The following CHCHD6 variants were observed in gnomAD, a reference collection of about 807,000 sequenced individuals.
CHCHD6 encodes the protein MICOS complex subunit MIC25.
In CHCHD6, 28 loss-of-function variants were observed where a neutral mutation model predicts 32.3. The observed-to-expected ratio is 0.87, with a 90% CI of 0.64 to 1.19. The LOEUF is 1.19. Ranked by LOEUF, CHCHD6 falls within the 50% of genes most tolerant of loss-of-function variation. The pLI, the probability that CHCHD6 is intolerant of heterozygous loss-of-function variation, is 0.00. For synonymous variants in CHCHD6, 122 were observed against 117.5 expected (o/e 1.04, Z -0.25); for missense variants, 333 against 307.0 (o/e 1.08, Z -0.63).
intron 4 of CHCHD6, among the ~76,000 whole-genome samples, chr3:126,755,877 G>A (rs1936939639): frequency 6.8e-6 from 1 of 147,766 alleles, no homozygotes; most frequent in African/African-American, 2.5e-5. Flanking sequence ...TGTAGACACA[G>A]ACATTCCTTA....
At chr3:126,763,486 A>G (rs1285833833) in intron 4 of CHCHD6, among the ~76,000 whole-genome samples, 1 of 151,756 alleles carries the variant, frequency 6.6e-6, no homozygotes, top group Non-Finnish European at 1.5e-5. Context: ...ACCATGCCCA[A>G]CTATTGTTTT....
intron 4 of CHCHD6, among the ~76,000 whole-genome samples, chr3:126,841,647 T>G (rs1445032176): frequency 1.3e-5 from 2 of 152,140 alleles, no homozygotes; most frequent in African/African-American, 4.8e-5. Flanking sequence ...TGCTCACGCC[T>G]GTAATCCCAG....
intron 4 of CHCHD6, among the ~76,000 whole-genome samples, chr3:126,796,120 G>T (rs2107688293): frequency 6.6e-6 from 1 of 152,224 alleles, no homozygotes; most frequent in South Asian, 2.1e-4. Flanking sequence ...TGAGGAGGGA[G>T]GGTTGCTTGA....
chr3:126,726,947 A>G (rs1049796845), intron 1 of CHCHD6, 131 bp from the exon 2 acceptor site: 23 of 658,260 alleles, frequency 3.5e-5, no homozygotes, highest in African/African-American at 3.2e-4. Flanking sequence ...TTTTAGTAGA[A>G]TTGCTTTGTT....
intron 5 of CHCHD6, among the ~76,000 whole-genome samples, chr3:126,867,132 C>T (rs1313268620): frequency 1.3e-5 from 2 of 152,148 alleles, no homozygotes; most frequent in Non-Finnish European, 2.9e-5. Flanking sequence ...GGACCTGGTC[C>T]AGAGAAGTAA....
intron 4 of CHCHD6, among the ~76,000 whole-genome samples, chr3:126,787,721 T>G (rs1447200402): frequency 1.3e-5 from 2 of 152,360 alleles, no homozygotes; most frequent in East Asian, 1.9e-4. Flanking sequence ...TAAGGAGATT[T>G]TGGGCTGAGA....
chr3:126,706,548 G>C (rs1934498041), intron 1 of CHCHD6, among the ~76,000 whole-genome samples: 1 of 152,118 alleles, frequency 6.6e-6, no homozygotes, highest in African/African-American at 2.4e-5. Context: ...TTTGGTGACT[G>C]ACTGCTTTCT....
chr3:126,763,256 C>A (rs1433381507), intron 4 of CHCHD6, among the ~76,000 whole-genome samples: 2 of 150,962 alleles, frequency 1.3e-5, no homozygotes, highest in Admixed American at 1.3e-4. Context: ...CCCTCTCCTT[C>A]CTTTCCTTCC....
In CHCHD6 at chr3:126,892,794, C is replaced by T. The variant is rs183931803; in HGVS notation, c.496-21886C>T. Among the ~76,000 whole-genome samples, 52 of 152,338 alleles carry T rather than the reference C, an allele frequency of 3.4e-4. 1 individual carries two copies. The highest frequency in any genetic ancestry group is 8.3e-4 in the South Asian group (4 of 4,822). Reference sequence around the variant, plus strand: ...ACGCAGCTCCTCCGCTGTAACACAGCGCACCCATGCCTTGCCCAGCACTTC... The same window carrying T: ...ACGCAGCTCCTCCGCTGTAACACAGTGCACCCATGCCTTGCCCAGCACTTC... On this transcript the variant is annotated intron_variant, in intron 5 of 7. Transcript: ENST00000290913.
chr3:126,862,405 ACCT>A lies in CHCHD6; in HGVS notation c.495+9684_495+9686del, dbSNP rs376263609. On this transcript the variant is annotated intron_variant, in intron 5 of 7. Transcript: ENST00000290913. ...CACCTCCTCCTCCTCTACCATCACCACCTCCTCCTCCACCATCACCACCTCCTC... is the reference window on the plus strand; with the variant it reads ...CACCTCCTCCTCCTCTACCATCACCACCTCCTCCACCATCACCACCTCCTC... 2.5e-3 allele frequency among the ~76,000 whole-genome samples: 156 copies of A among 63,516 alleles called. 5 individuals are homozygous for A. The highest frequency in any genetic ancestry group is 0.023 in the East Asian group (33 of 1,454). 41.7% of individuals were successfully genotyped at this position (63,516 alleles called of 152,430 possible). A position where few individuals can be genotyped will look rare whatever the true frequency, so the allele number is the denominator to read the frequency against.
chr3:126,926,483 G>C (rs1301662911), intron 6 of CHCHD6, among the ~76,000 whole-genome samples: 1 of 152,196 alleles, frequency 6.6e-6, no homozygotes, highest in Non-Finnish European at 1.5e-5. Context: ...CCTCAGAGAT[G>C]AAATGACCTT....
At chr3:126,761,183 A>C (rs948301189) in intron 4 of CHCHD6, among the ~76,000 whole-genome samples, 1 of 152,152 alleles carries the variant, frequency 6.6e-6, no homozygotes, top group Non-Finnish European at 1.5e-5. Flanking sequence ...TCATGGATTA[A>C]TTTTGTTTTT....
At chr3:126,731,926 A>T (rs1935821151) in intron 3 of CHCHD6, among the ~76,000 whole-genome samples, 1 of 151,828 alleles carries the variant, frequency 6.6e-6, no homozygotes, top group Non-Finnish European at 1.5e-5. Flanking sequence ...AAAATTAAAA[A>T]CGTTAACTGG....
At chr3:126,737,687 G>T (rs1313605452) in intron 4 of CHCHD6, among the ~76,000 whole-genome samples, 1 of 152,114 alleles carries the variant, frequency 6.6e-6, no homozygotes, top group African/African-American at 2.4e-5. Flanking sequence ...ATGTGAGCTT[G>T]ATCTTGAAGA....
At chr3:126,805,784 C>T (rs1393499822) in intron 4 of CHCHD6, among the ~76,000 whole-genome samples, 1 of 152,194 alleles carries the variant, frequency 6.6e-6, no homozygotes, top group Non-Finnish European at 1.5e-5. Context: ...AGGCATCACG[C>T]TACCTGACTT....
At chr3:126,937,778 G>T (rs1257487956) in intron 6 of CHCHD6, among the ~76,000 whole-genome samples, 14 of 152,142 alleles carry the variant, frequency 9.2e-5, no homozygotes. Flanking sequence ...GCATGTATTG[G>T]TAAGAATCTG....
intron 4 of CHCHD6, among the ~76,000 whole-genome samples, chr3:126,819,078 A>T (rs1399581118): frequency 1.3e-5 from 2 of 152,182 alleles, no homozygotes; most frequent in Non-Finnish European, 2.9e-5. Context: ...TATGGGTGAC[A>T]GACACTTGCT....
chr3:126,959,957 G>A (rs1344672304), intron 7 of CHCHD6, among the ~76,000 whole-genome samples: 1 of 152,234 alleles, frequency 6.6e-6, no homozygotes, highest in African/African-American at 2.4e-5. Context: ...TAAAGGAAAG[G>A]GGAGCGGGTT....
intron 4 of CHCHD6, among the ~76,000 whole-genome samples, chr3:126,764,910 C>T (rs1419012194): frequency 1.3e-5 from 2 of 152,140 alleles, no homozygotes; most frequent in Non-Finnish European, 2.9e-5. Flanking sequence ...ACGAGATGCA[C>T]GTGGCATCTC....
Sources: gnomAD v4.1 joint callset for allele counts (sites outside exome capture counted in the v4.1 genomes callset) on GRCh38, gnomAD v4.1.1 for gene constraint, MANE v1.5 for transcripts, NCBI Gene and HGNC (gene_info 2026-07-23, HGNC 2026-07-21) for gene names.